ADAM9: variants seen among roughly 807,000 people sequenced by gnomAD.
ADAM9 encodes disintegrin and metalloproteinase domain-containing protein 9.
In ADAM9, 54 loss-of-function variants were observed where a neutral mutation model predicts 108.1. The observed-to-expected ratio is 0.50, with a 90% CI of 0.40 to 0.63. ADAM9 has a LOEUF of 0.63. Among genes scored for constraint, ADAM9 ranks in the 20% least tolerant of loss-of-function variants. ADAM9 has a pLI of 0.00. For synonymous variants in ADAM9, 316 were observed against 336.0 expected, an observed-to-expected ratio of 0.94 and a Z score of 0.65; for missense variants, 830 against 997.7, an observed-to-expected ratio of 0.83 and a Z score of 2.26.
chr8:39,029,081 T>G (rs1056427126), intron 11 of ADAM9, among the ~76,000 whole-genome samples: 7 of 151,902 alleles, frequency 4.6e-5, no homozygotes, highest in Non-Finnish European at 8.8e-5. Flanking sequence ...ATTTCAAATT[T>G]AAGGTATCCA....
At chr8:39,025,770 A>C in intron 9 of ADAM9, 33 bp from the exon 10 acceptor site, 1 of 1,597,704 alleles carries the variant, frequency 6.3e-7, no homozygotes, top group Non-Finnish European at 8.6e-7. Context: ...TTTTTCCCCA[A>C]GAACATTTTT....
chr8:39,022,060 A>G (rs1300581075), intron 8 of ADAM9, among the ~76,000 whole-genome samples: 1 of 145,760 alleles, frequency 6.9e-6, no homozygotes, highest in Admixed American at 6.7e-5. Context: ...TGATATGACA[A>G]TATTTGTGTG....
intron 2 of ADAM9, among the ~76,000 whole-genome samples, chr8:39,009,643 G>A (rs1377912811): frequency 6.6e-6 from 1 of 152,130 alleles, no homozygotes; most frequent in African/African-American, 2.4e-5. Context: ...TAATACTTGG[G>A]ATCGTCATAG....
At chr8:39,009,943 A>AAC (rs1554572490) in intron 2 of ADAM9, among the ~76,000 whole-genome samples, 1 of 106,164 alleles carries the variant, frequency 9.4e-6, no homozygotes, top group African/African-American at 3.7e-5. Context: ...ACAAAAACAA[A>AAC]AACAACAACA....
At chr8:39,061,890 G>T (rs566727719) in intron 14 of ADAM9, among the ~76,000 whole-genome samples, 1 of 151,966 alleles carries the variant, frequency 6.6e-6, no homozygotes, top group South Asian at 2.1e-4. Context: ...ACCATATCTG[G>T]CTGCTCTAAC....
At chr8:39,076,011 A>T (rs1486832146) in intron 15 of ADAM9, 1 of 152,210 alleles carries the variant, frequency 6.6e-6, no homozygotes, top group African/African-American at 2.4e-5. Flanking sequence ...CAGCACAACA[A>T]AAATTAGGAG....
intron 1 of ADAM9, among the ~76,000 whole-genome samples, chr8:39,005,735 C>T (rs2129431739): frequency 6.6e-6 from 1 of 152,292 alleles, no homozygotes; most frequent in East Asian, 1.9e-4. Context: ...TAATTTTTCC[C>T]TTTCCTGTCC....
At chr8:39,031,596 C>A (rs1027888207) in intron 11 of ADAM9, among the ~76,000 whole-genome samples, 1 of 152,136 alleles carries the variant, frequency 6.6e-6, no homozygotes, top group Admixed American at 6.5e-5. Flanking sequence ...GTTCGAATAT[C>A]CTCCTTTAGC....
intron 1 of ADAM9, among the ~76,000 whole-genome samples, chr8:39,006,490 G>T (rs1472540166): frequency 2.0e-5 from 3 of 150,470 alleles, no homozygotes; most frequent in Non-Finnish European, 4.4e-5. Context: ...ATGAGTGAAT[G>T]AACATATAGA....
At chr8:39,031,749 C>A (rs962966822) in intron 11 of ADAM9, among the ~76,000 whole-genome samples, 1 of 152,202 alleles carries the variant, frequency 6.6e-6, no homozygotes, top group Non-Finnish European at 1.5e-5. Flanking sequence ...TTAGAATTTT[C>A]AGCTTTTCTG....
chr8:39,039,427 C>A (rs1271481887), intron 11 of ADAM9, among the ~76,000 whole-genome samples: 2 of 152,176 alleles, frequency 1.3e-5, no homozygotes, highest in Non-Finnish European at 2.9e-5. Context: ...CACCTATAAT[C>A]TCTTTTAGCA....
At chr8:39,011,615 T>G in intron 2 of ADAM9, 43 bp from the exon 3 acceptor site, 1 of 1,557,878 alleles carries the variant, frequency 6.4e-7, no homozygotes, top group Non-Finnish European at 8.8e-7. Context: ...GAAAAGTAAT[T>G]TTTAAGATGA....
In ADAM9 at chr8:39,025,895, C is replaced by A. The variant is rs1290523769; in HGVS notation, c.996+11C>A. ...GGCGGGATTAATGTGGTACGTTGTT[C>A]TTGATGTTTAACTTTGGATGTTTGC... On this transcript the variant is annotated intron_variant, in intron 10 of 21. Coordinates refer to ENST00000487273, the MANE Select transcript of ADAM9 (RefSeq NM_003816.3). The A allele has an allele frequency of 1.2e-6, 2 of 1,613,018 alleles. No homozygotes were observed. The highest frequency in any genetic ancestry group is 1.7e-6 in the Non-Finnish European group (2 of 1,179,174).
chr8:39,035,340 C>T (rs1448199146), intron 11 of ADAM9, among the ~76,000 whole-genome samples: 1 of 152,088 alleles, frequency 6.6e-6, no homozygotes, highest in African/African-American at 2.4e-5. Context: ...AATTTTCATG[C>T]TTGTCACTTT....
intron 12 of ADAM9, among the ~76,000 whole-genome samples, chr8:39,045,363 GGT>G (rs1337886012): frequency 5.0e-5 from 2 of 40,168 alleles, no homozygotes; most frequent in Non-Finnish European, 4.7e-5. Context: ...CATACATATA[GGT>G]GTGTGTACAT....
chr8:39,058,678 T>G (rs986823067), intron 14 of ADAM9, among the ~76,000 whole-genome samples: 6 of 152,198 alleles, frequency 3.9e-5, no homozygotes, highest in African/African-American at 1.4e-4. Context: ...CCAATGTGGC[T>G]GGGCCTCTGG....
chr8:39,064,791 G>A (rs1164979985), intron 14 of ADAM9, among the ~76,000 whole-genome samples: 1 of 152,092 alleles, frequency 6.6e-6, no homozygotes, highest in East Asian at 1.9e-4. Context: ...TGTGAAAATG[G>A]TTTTATTTGG....
At chr8:39,038,537 A>G (rs542082017) in intron 11 of ADAM9, among the ~76,000 whole-genome samples, 104 of 152,304 alleles carry the variant, frequency 6.8e-4, no homozygotes, top group African/African-American at 2.4e-3. Flanking sequence ...TTTTCCCCAT[A>G]GCACTTATTA....
intron 9 of ADAM9, among the ~76,000 whole-genome samples, 193 bp downstream of exon 9, chr8:39,023,518 T>C (rs1836816219): frequency 6.6e-6 from 1 of 152,102 alleles, no homozygotes; most frequent in South Asian, 2.1e-4. Flanking sequence ...CATATCCTCC[T>C]TTTTTCTTGA....
Sources: allele counts gnomAD v4.1 joint callset (sites outside exome capture counted in the v4.1 genomes callset), GRCh38; gene constraint gnomAD v4.1.1; transcripts MANE v1.5; gene names NCBI Gene and HGNC (gene_info 2026-07-23, HGNC 2026-07-21).